Variants in PPEF2 observed in about 807,000 individuals in gnomAD.
PPEF2 encodes serine/threonine-protein phosphatase with EF-hands 2.
Under a neutral mutation model 84.7 loss-of-function variants are expected in PPEF2, and 84 were observed. The observed-to-expected ratio is 0.99, with a 90% CI of 0.83 to 1.19. The LOEUF is 1.19. Among genes scored for constraint, PPEF2 ranks in the 50% most tolerant of loss-of-function variants. The pLI, the probability that PPEF2 is intolerant of heterozygous loss-of-function variation, is 0.00. For missense variants in PPEF2, 924 were observed against 937.5 expected, an observed-to-expected ratio of 0.99 and a Z score of 0.19; for synonymous variants, 346 against 345.2, an observed-to-expected ratio of 1.00 and a Z score of -0.03.
chr4:75,883,817 CAAAAAAAAAAAAAA>C (rs35897623), intron 8 of PPEF2, among the ~76,000 whole-genome samples: 4 of 60,702 alleles, frequency 6.6e-5, no homozygotes, highest in African/African-American at 2.1e-4. Flanking sequence ...GACTCCGTCA[CAAAAAAAAAAAAAA>C]AAAAAAAAAA....
At chr4:75,870,154 T>C (rs1233078550) in intron 13 of PPEF2, among the ~76,000 whole-genome samples, 1 of 152,148 alleles carries the variant, frequency 6.6e-6, no homozygotes, top group Non-Finnish European at 1.5e-5. Flanking sequence ...CTATTACTAC[T>C]GTAGGGAATC....
At chr4:75,874,302 T>C (rs981948954) in intron 11 of PPEF2, among the ~76,000 whole-genome samples, 24 of 141,544 alleles carry the variant, frequency 1.7e-4, no homozygotes, top group African/African-American at 5.8e-4. Context: ...TTTTCTTTTG[T>C]TTTTTTTTTT....
At chr4:75,861,799 CG>C (rs1724009024) in intron 16 of PPEF2, among the ~76,000 whole-genome samples, 2 of 140,390 alleles carry the variant, frequency 1.4e-5, no homozygotes, top group African/African-American at 5.0e-5. Flanking sequence ...TTAGTAGAGA[CG>C]GGGTTTCACC....
intron 11 of PPEF2, among the ~76,000 whole-genome samples, chr4:75,873,697 C>T (rs1724339946): frequency 6.6e-6 from 1 of 152,186 alleles, no homozygotes; most frequent in South Asian, 2.1e-4. Flanking sequence ...GGCGCAAGTC[C>T]TGGGACTGGC....
rs904010750 is a variant in PPEF2, at chr4:75,896,310, A to T, written c.16T>A (p.Ser6Thr). 1 of 1,614,202 alleles carries T rather than the reference A, an allele frequency of 6.2e-7. No homozygotes were observed. Among genetic ancestry groups the T allele is most frequent in the Non-Finnish European group, 8.5e-7 (1 of 1,180,038 alleles). Residue 6 changes from serine (S) to threonine (T), a missense_variant, in exon 2 of 17, where the codon TCC becomes ACC. Transcript: ENST00000286719. ...TGGAAAGCAAAATGATGTTGGGTGG[A>T]GGTGCCGCTTCCCATAGTTTAAGCG... is the stretch of plus-strand genomic sequence containing the variant. MGSGT[S>T]TQHHFAFQNA... is the part of the protein sequence containing the mutation.
chr4:75,869,317 T>A (rs909046901), intron 13 of PPEF2, among the ~76,000 whole-genome samples: 1 of 152,130 alleles, frequency 6.6e-6, no homozygotes, highest in African/African-American at 2.4e-5. Context: ...AATGCAGAGC[T>A]CTACATGGAT....
rs546242591 is a variant in PPEF2 at position 75,866,484 on chromosome 4, T to C, written c.1757-132A>G. 1.5e-5 allele frequency: 18 copies of C among 1,205,570 alleles called. No individual in the cohort carries two copies. In the Admixed American group the frequency reaches 2.6e-4, roughly 17 times the overall value. The allele number at this position is 1,205,570 out of a possible 1,614,324, so 74.7% of individuals were successfully genotyped here. ...AGAAATAATGGGCACTGTCACTATTTTTGTTGATAGTAGCAGAGTTGGCTG... is the reference window on the plus strand; with the variant it reads ...AGAAATAATGGGCACTGTCACTATTCTTGTTGATAGTAGCAGAGTTGGCTG... On this transcript the variant is annotated intron_variant, in intron 14 of 16. Transcript: ENST00000286719.
At chr4:75,902,060 C>T (rs1384142810) in intron 1 of PPEF2, among the ~76,000 whole-genome samples, 170 bp downstream of exon 1, 1 of 152,188 alleles carries the variant, frequency 6.6e-6, no homozygotes, top group African/African-American at 2.4e-5. Flanking sequence ...ACTTGAAGAT[C>T]TCATCACACA....
intron 11 of PPEF2, among the ~76,000 whole-genome samples, chr4:75,875,609 A>G (rs1724388201): frequency 6.6e-6 from 1 of 152,292 alleles, no homozygotes; most frequent in East Asian, 1.9e-4. Context: ...CATTGTCTCA[A>G]AGAAAAACAA....
intron 2 of PPEF2, among the ~76,000 whole-genome samples, chr4:75,895,830 C>T (rs1222743754): frequency 6.6e-6 from 1 of 151,960 alleles, no homozygotes; most frequent in Admixed American, 6.6e-5. Context: ...CTCATCTCAG[C>T]CTTCTAAAGT....
chr4:75,874,993 C>CT (rs1724373654), intron 11 of PPEF2, among the ~76,000 whole-genome samples: 1 of 151,840 alleles, frequency 6.6e-6, no homozygotes, highest in Admixed American at 6.6e-5. Flanking sequence ...GCTCTGCCTC[C>CT]TGGGTGCGTG....
intron 2 of PPEF2, among the ~76,000 whole-genome samples, chr4:75,893,861 C>CTTTTTTT (rs56898202): frequency 0.49 from 72,917 of 148,538 alleles, 20,022 homozygotes; most frequent in East Asian, 0.97. Context: ...CTTTCATTCT[C>CTTTTTTT]CCTCTTTTTT....
intron 5 of PPEF2, among the ~76,000 whole-genome samples, chr4:75,889,742 T>G (rs916000329): frequency 2.0e-5 from 3 of 152,194 alleles, no homozygotes; most frequent in Admixed American, 6.5e-5. Flanking sequence ...GAATGAACAA[T>G]GAGAGATTAT....
chr4:75,862,852 A>G (rs1724039026), intron 16 of PPEF2, among the ~76,000 whole-genome samples: 1 of 152,266 alleles, frequency 6.6e-6, no homozygotes, highest in Non-Finnish European at 1.5e-5. Context: ...TCACACATGA[A>G]TGTTCATAGC....
At chr4:75,898,567 A>C (rs1029449678) in intron 1 of PPEF2, among the ~76,000 whole-genome samples, 1 of 152,348 alleles carries the variant, frequency 6.6e-6, no homozygotes, top group East Asian at 1.9e-4. Flanking sequence ...ACCATATTAC[A>C]GTCTTTAATC....
At position 75,891,731 on chromosome 4, in the gene PPEF2, G is replaced by C. The variant is rs189464502; in HGVS notation, c.184-26C>G. Reference sequence around the variant, plus strand: ...CTGCAGAAGAACCCAAGGAGACGTGGCTTTAGAGGTGAGCGAAAAGAGAAC... The same window carrying C: ...CTGCAGAAGAACCCAAGGAGACGTGCCTTTAGAGGTGAGCGAAAAGAGAAC... On this transcript the variant is annotated intron_variant, in intron 3 of 16. Coordinates refer to ENST00000286719, the MANE Select transcript of PPEF2 (RefSeq NM_006239.3). The C allele has an allele frequency of 5.6e-6, 9 of 1,604,438 alleles. No homozygotes were observed. The Admixed American group carries it at 1.5e-4, about 27-fold the overall frequency.
At chr4:75,878,417 A>G (rs1035721286) in intron 10 of PPEF2, among the ~76,000 whole-genome samples, 1 of 152,234 alleles carries the variant, frequency 6.6e-6, no homozygotes, top group African/African-American at 2.4e-5. Context: ...CTTGTTCACA[A>G]AAGGAACTCT....
Position 75,860,703 on chromosome 4 carries a change from A to G in PPEF2, c.2226T>C (p.Ala742=). Residue 742 remains alanine, a synonymous_variant, in exon 17 of 17, where the codon GCT becomes GCC. Transcript: ENST00000286719. The part of the protein sequence containing the change: ...DASECPQATN[A]KDSGCSSPGA... ...CTGGACTGCTGCAGCCACTGTCTTTAGCATTTGTAGCTTGTGGGCATTCTG... is the reference window on the plus strand; with the variant it reads ...CTGGACTGCTGCAGCCACTGTCTTTGGCATTTGTAGCTTGTGGGCATTCTG... 1 of 1,614,228 alleles carries G rather than the reference A, an allele frequency of 6.2e-7. No homozygotes were observed. The highest frequency in any genetic ancestry group is 1.1e-5 in the South Asian group (1 of 91,084).
chr4:75,869,601 C>T (rs1038381982), intron 13 of PPEF2, among the ~76,000 whole-genome samples: 4 of 152,154 alleles, frequency 2.6e-5, no homozygotes, highest in Non-Finnish European at 5.9e-5. Flanking sequence ...AATCCTAGCA[C>T]TTTGGGAGGC....
Sources: gnomAD v4.1 joint callset for allele counts (sites outside exome capture counted in the v4.1 genomes callset) on GRCh38, gnomAD v4.1.1 for gene constraint, MANE v1.5 for transcripts, NCBI Gene and HGNC (gene_info 2026-07-23, HGNC 2026-07-21) for gene names.